CEP63: variants seen among roughly 807,000 people sequenced by gnomAD.
The protein encoded by CEP63 is centrosomal protein of 63 kDa.
In CEP63, 84 loss-of-function variants were observed where a neutral mutation model predicts 89.1. The observed-to-expected ratio is 0.94, with a 90% CI of 0.79 to 1.13. The LOEUF is 1.13. CEP63 is among the 50% of genes most tolerant of loss of function. The probability of loss-of-function intolerance (pLI) is 0.00; values close to 1 mark genes in which losing one functional copy is unlikely to be tolerated. For missense variants in CEP63, 838 were observed against 813.3 expected, an observed-to-expected ratio of 1.03 and a Z score of -0.37; for synonymous variants, 267 against 272.5, an observed-to-expected ratio of 0.98 and a Z score of 0.20.
At chr3:134,723,364 A>G in the CEP63 span, among the ~76,000 whole-genome samples, 16 of 152,208 alleles carry the variant, frequency 1.1e-4, no homozygotes, top group African/African-American at 3.9e-4. Flanking sequence ...TACCCCTGCC[A>G]TCACCCTGAG....
chr3:134,724,786 T>C, the CEP63 span, among the ~76,000 whole-genome samples: 105 of 152,328 alleles, frequency 6.9e-4, no homozygotes, highest in Non-Finnish European at 1.3e-3. Context: ...TAGGATGCTA[T>C]GCAGTTTCCA....
downstream of CEP63, among the ~76,000 whole-genome samples, chr3:134,592,659 T>G (rs945535318): frequency 2.6e-5 from 4 of 152,122 alleles, no homozygotes; most frequent in Non-Finnish European, 4.4e-5. Context: ...AGTTTTTGCT[T>G]TGAGGACAAA....
Position 134,561,641 on chromosome 3 carries a change from T to C in CEP63, c.*106T>C. ...ACATGAAGAGATAAAATTATAAAAA[T>C]GATACATCTAAAGCAGTGGTGAAGA... On this transcript the variant is annotated 3_prime_UTR_variant, in exon 15 of 15. Coordinates refer to ENST00000675561, the MANE Select transcript of CEP63 (RefSeq NM_001353108.3). 2.0e-6 allele frequency: 3 copies of C among 1,525,508 alleles called. No homozygotes were observed. The highest frequency in any genetic ancestry group is 1.3e-5 in the South Asian group (1 of 79,554). 94.5% of individuals were successfully genotyped at this position (1,525,508 alleles called of 1,614,324 possible).
intron 12 of CEP63, among the ~76,000 whole-genome samples, chr3:134,555,386 C>T (rs1306709886): frequency 6.6e-6 from 1 of 151,746 alleles, no homozygotes; most frequent in Non-Finnish European, 1.5e-5. Flanking sequence ...ATTGTCTCAG[C>T]CCAAAATCTC....
the CEP63 span, among the ~76,000 whole-genome samples, chr3:134,618,924 T>C: frequency 6.6e-6 from 1 of 152,204 alleles, no homozygotes; most frequent in African/African-American, 2.4e-5. Context: ...TGTGCATTCA[T>C]CTACCATTAT....
chr3:134,567,032 G>C (rs1218474464), downstream of CEP63, among the ~76,000 whole-genome samples: 1 of 151,842 alleles, frequency 6.6e-6, no homozygotes. Context: ...CATCATTGAT[G>C]AATGAATAAA....
chr3:134,782,453 A>C, the CEP63 span, among the ~76,000 whole-genome samples: 11,000 of 152,210 alleles, frequency 0.072, 1,055 homozygotes, highest in African/African-American at 0.22. Flanking sequence ...TATTTCATTC[A>C]AATGGTTCAC....
At chr3:134,652,592 T>G in the CEP63 span, among the ~76,000 whole-genome samples, 1 of 151,898 alleles carries the variant, frequency 6.6e-6, no homozygotes. Flanking sequence ...CAAGGCAGGT[T>G]TCCTTCTGCT....
the CEP63 span, among the ~76,000 whole-genome samples, chr3:134,697,609 G>A: frequency 1.1e-4 from 16 of 152,066 alleles, no homozygotes; most frequent in Non-Finnish European, 1.2e-4. Context: ...CTCTTTGCTC[G>A]GCCCTCTTCC....
the CEP63 span, among the ~76,000 whole-genome samples, chr3:134,744,025 G>T: frequency 0.028 from 4,188 of 152,192 alleles, 84 homozygotes; most frequent in Middle Eastern, 0.058. Flanking sequence ...GCACCTCTAG[G>T]TCTCTGTGGA....
chr3:134,745,930 A>G, the CEP63 span, among the ~76,000 whole-genome samples: 1 of 142,982 alleles, frequency 7.0e-6, no homozygotes, highest in African/African-American at 2.6e-5. Flanking sequence ...TTTTTTTTTT[A>G]TTATACTTTA....
the CEP63 span, among the ~76,000 whole-genome samples, chr3:134,630,831 C>A: frequency 6.6e-6 from 1 of 152,160 alleles, no homozygotes; most frequent in East Asian, 1.9e-4. Context: ...AAACCAGCCA[C>A]AATAACATGC....
chr3:134,743,770 T>C, the CEP63 span, among the ~76,000 whole-genome samples: 1 of 152,116 alleles, frequency 6.6e-6, no homozygotes, highest in African/African-American at 2.4e-5. Context: ...TTCTTCCCCA[T>C]TGGAACAATG....
chr3:134,640,939 C>T, the CEP63 span, among the ~76,000 whole-genome samples: 1 of 152,192 alleles, frequency 6.6e-6, no homozygotes, highest in African/African-American at 2.4e-5. Flanking sequence ...TTTCCAATCA[C>T]ACTCAGATTA....
At position 134,507,247 on chromosome 3, in the gene CEP63, T is replaced by C. The variant is rs753634018; in HGVS notation, c.183T>C (p.Leu61=). 6.8e-6 allele frequency: 11 copies of C among 1,613,716 alleles called. No individual in the cohort carries two copies. The highest frequency in any genetic ancestry group is 8.5e-6 in the Non-Finnish European group (10 of 1,179,852). ...GCTTGAAAATCCGTGAACAGGAACT[T>C]AAGAGTCTTAGGAGTCAGTTGGATG... is the stretch of plus-strand genomic sequence containing the variant. ...ETCLKIREQE[L]KSLRSQLDVT... The change falls in exon 3 of 15, where the codon CTT becomes CTC. Residue 61 remains leucine (L), a synonymous_variant. Transcript: ENST00000675561.
the CEP63 span, among the ~76,000 whole-genome samples, chr3:134,614,135 A>T: frequency 6.6e-6 from 1 of 152,176 alleles, no homozygotes; most frequent in Non-Finnish European, 1.5e-5. Context: ...CCCAGTCTAT[A>T]AGCAAAGACC....
At chr3:134,777,246 C>T in the CEP63 span, among the ~76,000 whole-genome samples, 2 of 152,128 alleles carry the variant, frequency 1.3e-5, no homozygotes, top group African/African-American at 4.8e-5. Flanking sequence ...GTGTGATCAC[C>T]TAACAGTGTT....
the CEP63 span, among the ~76,000 whole-genome samples, chr3:134,639,596 GA>G: frequency 6.6e-6 from 1 of 152,140 alleles, no homozygotes; most frequent in Non-Finnish European, 1.5e-5. Context: ...TTTGCATGGG[GA>G]TAAGGGCTGA....
chr3:134,643,415 T>A, the CEP63 span: 1 of 1,585,600 alleles, frequency 6.3e-7, no homozygotes, highest in Non-Finnish European at 8.7e-7. Flanking sequence ...CAGTGACCAC[T>A]GGGGAATTTT....
Sources: allele counts gnomAD v4.1 joint callset (sites outside exome capture counted in the v4.1 genomes callset), GRCh38; gene constraint gnomAD v4.1.1; transcripts MANE v1.5; gene names NCBI Gene and HGNC (gene_info 2026-07-23, HGNC 2026-07-21).